SECISBP2: variants seen among roughly 807,000 people sequenced by gnomAD.
SECISBP2 encodes the protein selenocysteine insertion sequence-binding protein 2.
SECISBP2 carries 96 observed loss-of-function variants against 98.2 expected under a neutral mutation model. The observed-to-expected ratio is 0.98, with a 90% CI of 0.83 to 1.16. SECISBP2 has a LOEUF of 1.16. Among genes scored for constraint, SECISBP2 ranks in the 50% most tolerant of loss-of-function variants. The pLI is 0.00. For synonymous variants in SECISBP2, 407 were observed against 370.2 expected (o/e 1.10, Z -1.14); for missense variants, 1,046 against 1,022.9 (o/e 1.02, Z -0.31).
In SECISBP2 at chr9:89,348,174, T is replaced by A. The variant is rs1830715080; in HGVS notation, c.1698T>A (p.Ser566Arg). 6.2e-7 allele frequency: 1 copy of A among 1,613,646 alleles called. No individual in the cohort carries two copies. ...GTGATGACACACAAGATGGAGAGAG[T>A]GGTGGTGATGACCAGTTTCCCGAGC... is the stretch of plus-strand genomic sequence containing the variant. ...FTSDDTQDGESGGDDQFPEQA... is the reference protein window; with the variant it reads ...FTSDDTQDGERGGDDQFPEQA... Residue 566 changes from serine (S) to arginine (R), a missense_variant, in exon 12 of 17, where the codon AGT becomes AGA. Transcript: ENST00000375807.
intron 14 of SECISBP2, chr9:89,355,474 G>A: frequency 4.2e-6 from 4 of 956,780 alleles, no homozygotes; most frequent in Non-Finnish European, 5.0e-6. Context: ...GTTCATATTT[G>A]TTGCCCATTT....
chr9:89,357,588 T>A, intron 15 of SECISBP2, 23 bp downstream of exon 15: 2 of 1,612,308 alleles, frequency 1.2e-6, no homozygotes, highest in Non-Finnish European at 1.7e-6. Context: ...GGCACAGGCC[T>A]CTTCAGTCAC....
intron 10 of SECISBP2, among the ~76,000 whole-genome samples, chr9:89,344,592 C>G (rs1830164473): frequency 6.6e-6 from 1 of 152,178 alleles, no homozygotes. Context: ...TTGTGTTTGT[C>G]AACTTCGTCA....
intron 8 of SECISBP2, 108 bp from the exon 9 acceptor site, chr9:89,339,756 A>T: frequency 1.2e-6 from 1 of 811,620 alleles, no homozygotes; most frequent in Admixed American, 2.1e-5. Context: ...TTTTTTTTAA[A>T]TCACTTTTAA....
chr9:89,366,788 A>T, the SECISBP2 span, among the ~76,000 whole-genome samples: 1 of 152,210 alleles, frequency 6.6e-6, no homozygotes, highest in Non-Finnish European at 1.5e-5. Context: ...TTGAACAGAC[A>T]GTGAAGTGAG....
Position 89,334,728 on chromosome 9 carries a change from A to G in SECISBP2, c.1087A>G (p.Lys363Glu), listed in dbSNP as rs575915123. The change falls in exon 7 of 17, where the codon AAG (lysine) becomes GAG (glutamate). Residue 363 changes from lysine (K) to glutamate (E), a missense_variant and splice_region_variant. Lys to Glu is a moderately conservative substitution (Grantham distance 56). Coordinates refer to ENST00000375807, the MANE Select transcript of SECISBP2 (RefSeq NM_024077.5). ...AAAACACATTATTCATCCTACCCAA[A>G]AGGTACGTGTCACTAGAGACAGAAA... is the stretch of plus-strand genomic sequence containing the variant. ...KEKHIIHPTQ[K>E]SKASQGSDLE... The G allele has an allele frequency of 1.0e-4, 166 of 1,609,400 alleles. 3 individuals are homozygous for G. In the South Asian group the frequency reaches 1.8e-3, roughly 17 times the overall value.
chr9:89,362,780 C>G (rs964978456), downstream of SECISBP2, among the ~76,000 whole-genome samples: 1 of 152,218 alleles, frequency 6.6e-6, no homozygotes, highest in African/African-American at 2.4e-5. Context: ...AACCCACACA[C>G]TTTAATGCAC....
chr9:89,362,492 C>A, downstream of SECISBP2: 1 of 1,613,760 alleles, frequency 6.2e-7, no homozygotes, highest in South Asian at 1.1e-5. Flanking sequence ...GCTCTGCAGC[C>A]CAGTCTGTCT....
At chr9:89,364,640 T>G (rs527549147), downstream of SECISBP2, 1 of 155,848 alleles carries the variant, frequency 6.4e-6, no homozygotes, top group East Asian at 1.9e-4. Context: ...CTCTGTTGTT[T>G]TTCTCTGGGC....
chr9:89,362,627 C>T (rs770925406), downstream of SECISBP2, among the ~76,000 whole-genome samples: 33 of 152,332 alleles, frequency 2.2e-4, no homozygotes, highest in South Asian at 2.1e-4. Context: ...AGAGCAGCAG[C>T]GCATTCACTC....
chr9:89,325,566 G>A lies in SECISBP2; in HGVS notation c.322G>A (p.Gly108Ser). The A allele has an allele frequency of 2.5e-6, 4 of 1,614,096 alleles. No homozygotes were observed. The highest frequency in any genetic ancestry group is 3.4e-6 in the Non-Finnish European group (4 of 1,180,006). The stretch of plus-strand genomic sequence containing the variant: ...CACACAGAATGTTTACTCAGTGCCT[G>A]GCTCCCAGTATCTTTATAACCAACC... ...DSTQNVYSVP[G>S]SQYLYNQPSC... The change falls in exon 3 of 17, where the codon GGC (glycine) becomes AGC (serine). Residue 108 changes from glycine (G) to serine (S), a missense_variant. Physicochemically the swap from Gly to Ser is moderately conservative, Grantham distance 56. Coordinates refer to ENST00000375807, the MANE Select transcript of SECISBP2 (RefSeq NM_024077.5).
Position 89,328,663 on chromosome 9 carries a change from G to A in SECISBP2, c.578G>A (p.Gly193Asp), listed in dbSNP as rs201750317. 1 of 1,613,212 alleles carries A rather than the reference G, an allele frequency of 6.2e-7. No homozygotes were observed. The highest frequency in any genetic ancestry group is 2.2e-5 in the East Asian group (1 of 44,880). The change falls in exon 5 of 17, where the codon GGT becomes GAT. Residue 193 changes from glycine (G) to aspartate (D), a missense_variant. Physicochemically the swap from Gly to Asp is moderately conservative, Grantham distance 94. Coordinates refer to ENST00000375807, the MANE Select transcript of SECISBP2 (RefSeq NM_024077.5). ...ACTTTTAATTTTGTAATTACAGATG[G>A]TTACCATAAGCGAACAGACAGGAAA... ...IYAENSLKSDGYHKRTDRKSR... is the reference protein window; with the variant it reads ...IYAENSLKSDDYHKRTDRKSR...
At chr9:89,321,942 AT>A (rs1471509510) in intron 2 of SECISBP2, among the ~76,000 whole-genome samples, 1 of 152,238 alleles carries the variant, frequency 6.6e-6, no homozygotes, top group African/African-American at 2.4e-5. Context: ...GACAAAAGGA[AT>A]AGAAGTTTCT....
intron 14 of SECISBP2, chr9:89,355,637 G>T (rs1246193402): frequency 1.2e-6 from 1 of 860,868 alleles, no homozygotes; most frequent in African/African-American, 1.8e-5. Context: ...TTTATATATT[G>T]GTATTTCATT....
intron 10 of SECISBP2, among the ~76,000 whole-genome samples, chr9:89,344,136 A>G (rs1158293546): frequency 6.6e-6 from 1 of 152,036 alleles, no homozygotes; most frequent in African/African-American, 2.4e-5. Context: ...GTGTCTGTTC[A>G]TGTCCTTTGC....
At chr9:89,331,046 C>T (rs1554718657) in intron 5 of SECISBP2, among the ~76,000 whole-genome samples, 1 of 152,052 alleles carries the variant, frequency 6.6e-6, no homozygotes, top group Non-Finnish European at 1.5e-5. Context: ...AAACTTTTTC[C>T]TGATGATATT....
intron 4 of SECISBP2, among the ~76,000 whole-genome samples, chr9:89,326,781 CTGT>C (rs1826777176): frequency 6.6e-6 from 1 of 152,136 alleles, no homozygotes; most frequent in African/African-American, 2.4e-5. Flanking sequence ...ATGATATAGC[CTGT>C]TGTTCCTAGG....
chr9:89,325,760 A>G, intron 3 of SECISBP2, 84 bp downstream of exon 3: 8 of 1,598,364 alleles, frequency 5.0e-6, no homozygotes, highest in Non-Finnish European at 6.9e-6. Context: ...TTTGTACATC[A>G]TATTTAAGTA....
At chr9:89,318,801 G>A (rs1345063688) in intron 1 of SECISBP2, 189 bp downstream of exon 1, 1 of 1,269,290 alleles carries the variant, frequency 7.9e-7, no homozygotes, top group South Asian at 2.3e-5. Flanking sequence ...GTGGCGGTCA[G>A]CGGCTACAGA....
Sources: allele counts gnomAD v4.1 joint callset (sites outside exome capture counted in the v4.1 genomes callset), GRCh38; gene constraint gnomAD v4.1.1; transcripts MANE v1.5; gene names NCBI Gene and HGNC (gene_info 2026-07-23, HGNC 2026-07-21).